Variants in GALNT13 observed in about 807,000 individuals in gnomAD.
The protein encoded by GALNT13 is polypeptide N-acetylgalactosaminyltransferase 13, also known as UDP-GalNAc:polypeptide N-acetylgalactosaminyltransferase 13.
In GALNT13, 28 loss-of-function variants were observed where a neutral mutation model predicts 64.2. The observed-to-expected ratio is 0.44, with a 90% CI of 0.32 to 0.60. The LOEUF (loss-of-function observed/expected upper bound fraction) is 0.60. Among genes scored for constraint, GALNT13 ranks in the 20% least tolerant of loss-of-function variants. GALNT13 has a pLI of 0.05. For missense variants in GALNT13, 577 were observed against 669.8 expected, an observed-to-expected ratio of 0.86 and a Z score of 1.53; for synonymous variants, 214 against 224.6, an observed-to-expected ratio of 0.95 and a Z score of 0.42.
intron 3 of GALNT13, among the ~76,000 whole-genome samples, chr2:154,084,038 A>C (rs1172607977): frequency 1.3e-5 from 2 of 151,778 alleles, no homozygotes; most frequent in African/African-American, 4.8e-5. Flanking sequence ...CACATAGGCT[A>C]CCTCTGGAAT....
At chr2:153,273,755 G>C in the GALNT13 span, among the ~76,000 whole-genome samples, 4 of 152,114 alleles carry the variant, frequency 2.6e-5, no homozygotes. Context: ...TTTTCATTTA[G>C]TTGTCTCCAC....
At chr2:153,163,965 C>A in the GALNT13 span, among the ~76,000 whole-genome samples, 2 of 150,940 alleles carry the variant, frequency 1.3e-5, no homozygotes, top group African/African-American at 4.9e-5. Flanking sequence ...TTGCAGTGAG[C>A]CGAGATCGCG....
At chr2:153,219,715 A>T in the GALNT13 span, among the ~76,000 whole-genome samples, 12 of 152,222 alleles carry the variant, frequency 7.9e-5, no homozygotes, top group South Asian at 6.2e-4. Context: ...ATCACACATG[A>T]TCATTTTTCA....
At chr2:153,659,279 C>T in the GALNT13 span, among the ~76,000 whole-genome samples, 1 of 151,592 alleles carries the variant, frequency 6.6e-6, no homozygotes. Flanking sequence ...TCTGTGAAGA[C>T]TCAGAGAAGT....
the GALNT13 span, among the ~76,000 whole-genome samples, chr2:153,737,638 TTCA>T: frequency 3.9e-5 from 6 of 152,142 alleles, no homozygotes; most frequent in Admixed American, 3.9e-4. Flanking sequence ...CGATATCTCC[TTCA>T]TCGTCTCGTA....
At chr2:153,116,900 C>T in the GALNT13 span, among the ~76,000 whole-genome samples, 1 of 146,588 alleles carries the variant, frequency 6.8e-6, no homozygotes, top group African/African-American at 2.5e-5. Flanking sequence ...CCTGGGTTCA[C>T]ACCATTCTCC....
At chr2:153,675,247 G>A in the GALNT13 span, among the ~76,000 whole-genome samples, 2 of 152,132 alleles carry the variant, frequency 1.3e-5, no homozygotes, top group African/African-American at 4.8e-5. Flanking sequence ...ACATGCACAC[G>A]TATGTTTATT....
At chr2:153,886,282 T>C (rs908416150) in intron 1 of GALNT13, among the ~76,000 whole-genome samples, 2 of 151,966 alleles carry the variant, frequency 1.3e-5, no homozygotes, top group Admixed American at 1.3e-4. Flanking sequence ...TATGTATGTA[T>C]GCATGTGCCA....
chr2:153,733,289 C>T, the GALNT13 span, among the ~76,000 whole-genome samples: 8 of 152,208 alleles, frequency 5.3e-5, no homozygotes, highest in South Asian at 4.2e-4. Context: ...ATGTGTCCAT[C>T]GACGTAGATT....
the GALNT13 span, among the ~76,000 whole-genome samples, chr2:153,237,028 G>A: frequency 9.9e-5 from 15 of 152,058 alleles, no homozygotes; most frequent in Admixed American, 8.5e-4. Flanking sequence ...AACTTCAGGA[G>A]TTTCAAGACT....
At chr2:153,726,069 A>G in the GALNT13 span, among the ~76,000 whole-genome samples, 7 of 152,164 alleles carry the variant, frequency 4.6e-5, no homozygotes, top group Non-Finnish European at 8.8e-5. Flanking sequence ...ATCTTAAAGT[A>G]GAGACTTCTG....
chr2:153,856,883 C>T, the GALNT13 span, among the ~76,000 whole-genome samples: 14 of 151,988 alleles, frequency 9.2e-5, no homozygotes, highest in African/African-American at 3.4e-4. Flanking sequence ...TCAACTCTAA[C>T]GTGGATCTAT....
At chr2:154,219,557 C>G (rs1036207593) in intron 4 of GALNT13, among the ~76,000 whole-genome samples, 4 of 152,020 alleles carry the variant, frequency 2.6e-5, no homozygotes, top group Non-Finnish European at 5.9e-5. Flanking sequence ...CACTGGCATG[C>G]CTCAAGTTCT....
chr2:154,369,834 T>G (rs979859724), intron 9 of GALNT13, among the ~76,000 whole-genome samples: 1 of 152,126 alleles, frequency 6.6e-6, no homozygotes, highest in Admixed American at 6.6e-5. Context: ...CATCTTCTCT[T>G]GGTTGATAGG....
At chr2:153,372,516 C>T in the GALNT13 span, among the ~76,000 whole-genome samples, 1 of 151,932 alleles carries the variant, frequency 6.6e-6, no homozygotes, top group East Asian at 1.9e-4. Context: ...CATGGTGGTA[C>T]ACACCTGTAG....
the GALNT13 span, among the ~76,000 whole-genome samples, chr2:153,845,750 A>G: frequency 6.6e-6 from 1 of 151,694 alleles, no homozygotes; most frequent in South Asian, 2.1e-4. Flanking sequence ...ACATCAAACC[A>G]CAAATTTACG....
the GALNT13 span, among the ~76,000 whole-genome samples, chr2:153,163,967 G>C: frequency 1.3e-5 from 2 of 149,570 alleles, no homozygotes; most frequent in African/African-American, 4.9e-5. Context: ...GCAGTGAGCC[G>C]AGATCGCGCC....
chr2:153,699,075 T>A, the GALNT13 span, among the ~76,000 whole-genome samples: 1 of 151,858 alleles, frequency 6.6e-6, no homozygotes, highest in South Asian at 2.1e-4. Context: ...ATTACAAAAA[T>A]TTTCCGGTCA....
the GALNT13 span, among the ~76,000 whole-genome samples, chr2:153,627,037 G>A: frequency 3.3e-5 from 5 of 152,082 alleles, no homozygotes; most frequent in Non-Finnish European, 7.4e-5. Context: ...GTTTCAAAAA[G>A]GGATGAGGAA....
Sources: gnomAD v4.1 joint callset for allele counts (sites outside exome capture counted in the v4.1 genomes callset) on GRCh38, gnomAD v4.1.1 for gene constraint, MANE v1.5 for transcripts, NCBI Gene and HGNC (gene_info 2026-07-23, HGNC 2026-07-21) for gene names.